Variants in IL5RA observed in about 807,000 individuals in gnomAD.
The protein encoded by IL5RA is interleukin-5 receptor subunit alpha.
Under a neutral mutation model 50.0 loss-of-function variants are expected in IL5RA, and 49 were observed. That is an observed-to-expected ratio of 0.98 (90% CI 0.78 to 1.24). IL5RA has a LOEUF of 1.24. IL5RA is among the 50% of genes most tolerant of loss of function. IL5RA has a pLI of 0.00. For missense variants in IL5RA, 600 were observed against 500.4 expected (o/e 1.20, Z -1.90); for synonymous variants, 202 against 174.0 (o/e 1.16, Z -1.26).
At chr3:3,105,189 A>T (rs1275712141) in intron 2 of IL5RA, among the ~76,000 whole-genome samples, 1 of 152,224 alleles carries the variant, frequency 6.6e-6, no homozygotes, top group African/African-American at 2.4e-5. Flanking sequence ...GGACAGAATG[A>T]AATATAAATT....
chr3:3,085,366 T>C (rs996926369), intron 9 of IL5RA, among the ~76,000 whole-genome samples: 5 of 152,222 alleles, frequency 3.3e-5, no homozygotes, highest in African/African-American at 9.6e-5. Flanking sequence ...GGATAGCTCA[T>C]GTGGACCCTC....
chr3:3,069,327 C>T lies in IL5RA; in HGVS notation c.*898G>A, dbSNP rs1702223063. On this transcript the variant is annotated 3_prime_UTR_variant, in exon 12 of 12. Transcript: ENST00000446632. Reference sequence around the variant, plus strand: ...TGGAATGGCCTTGTAGAAACTTTTCCAAACTTGAGAGACTAGGATTGATCT... The same window carrying T: ...TGGAATGGCCTTGTAGAAACTTTTCTAAACTTGAGAGACTAGGATTGATCT... The T allele has an allele frequency of 6.6e-6, 1 of 152,152 alleles. No individual in the cohort carries two copies. Among genetic ancestry groups the T allele is most frequent in the Admixed American group, 6.5e-5 (1 of 15,272 alleles). 9.4% of individuals were successfully genotyped at this position (152,152 alleles called of 1,614,324 possible).
chr3:3,094,761 C>T (rs1703275684), intron 8 of IL5RA, among the ~76,000 whole-genome samples: 1 of 152,074 alleles, frequency 6.6e-6, no homozygotes, highest in African/African-American at 2.4e-5. Flanking sequence ...GTTGCTCTGT[C>T]ACCCAGGCTG....
rs187728135 is a variant in IL5RA at position 3,086,518 on chromosome 3, C to T, written c.994+5706G>A. 2.6e-4 allele frequency among the ~76,000 whole-genome samples: 40 copies of T among 151,760 alleles called. 1 individual carries two copies. The highest frequency in any genetic ancestry group is 2.0e-3 in the Admixed American group (30 of 15,238). ...CCAGCTGATCTAGGGCAGGTGATAA[C>T]GAGTACTGATAAAATGAAACTGCTA... On this transcript the variant is annotated intron_variant, in intron 9 of 11. Coordinates refer to ENST00000446632, the MANE Select transcript of IL5RA (RefSeq NM_175726.4).
At chr3:3,078,896 C>T (rs1047126796) in intron 9 of IL5RA, among the ~76,000 whole-genome samples, 4 of 151,934 alleles carry the variant, frequency 2.6e-5, no homozygotes, top group Non-Finnish European at 5.9e-5. Flanking sequence ...AGCTCTAACA[C>T]TGCTTTTTTA....
Position 3,076,626 on chromosome 3 carries a change from T to G in IL5RA, c.996A>C (p.Gly332=). The G allele has an allele frequency of 6.3e-7, 1 of 1,593,380 alleles. No individual in the cohort carries two copies. Among genetic ancestry groups the G allele is most frequent in the African/African-American group, 1.4e-5 (1 of 74,072 alleles). Residue 332 remains glycine (G), a splice_region_variant and synonymous_variant, in exon 10 of 12, where the codon GGA becomes GGC. Transcript: ENST00000446632. ...WSEWSQPIYV[G]NDEHKPLREW... is the part of the protein sequence containing the mutation. ...CTCTCAAGGGCTTGTGTTCATCATT[T>G]CCTGGTGGAAAACAAAAAAGAAACA...
At chr3:3,072,662 G>A (rs1702341528) in intron 11 of IL5RA, among the ~76,000 whole-genome samples, 1 of 152,348 alleles carries the variant, frequency 6.6e-6, no homozygotes, top group African/African-American at 2.4e-5. Context: ...GCTCATGCCT[G>A]TAATCCCAGC....
At chr3:3,107,921 T>C (rs945804584) in intron 2 of IL5RA, among the ~76,000 whole-genome samples, 4 of 152,234 alleles carry the variant, frequency 2.6e-5, no homozygotes, top group African/African-American at 9.6e-5. Flanking sequence ...TACAAATATT[T>C]TCCCCTCTTT....
intron 7 of IL5RA, among the ~76,000 whole-genome samples, chr3:3,097,127 G>A (rs1703402479): frequency 6.6e-6 from 1 of 152,210 alleles, no homozygotes; most frequent in South Asian, 2.1e-4. Flanking sequence ...CGCCTGATGA[G>A]TTTCACTAAT....
At chr3:3,084,749 C>G (rs565591550) in intron 9 of IL5RA, among the ~76,000 whole-genome samples, 1 of 152,360 alleles carries the variant, frequency 6.6e-6, no homozygotes, top group African/African-American at 2.4e-5. Context: ...GATGTCCCAC[C>G]TACTATCTGT....
At position 3,096,152 on chromosome 3, in the gene IL5RA, C is replaced by A. The variant is rs1017360299; in HGVS notation, c.710-708G>T. Among the ~76,000 whole-genome samples the A allele has an allele frequency of 2.6e-5, 4 of 152,022 alleles. No homozygotes were observed. In the South Asian group the frequency reaches 8.3e-4, roughly 32 times the overall value. On this transcript the variant is annotated intron_variant, in intron 7 of 11. Coordinates refer to ENST00000446632, the MANE Select transcript of IL5RA (RefSeq NM_175726.4). ...AATTAGCTGAGCGTGGTGGTGGGCG[C>A]CTGTAGTCCCAGCTACTCAGGAGGC...
At chr3:3,104,819 G>T in intron 3 of IL5RA, 84 bp downstream of exon 3, 2 of 790,768 alleles carry the variant, frequency 2.5e-6, no homozygotes, top group Admixed American at 2.1e-5. Flanking sequence ...TGTTCTAATC[G>T]ACAGTTTAAG....
chr3:3,108,235 C>G (rs1704022440), intron 2 of IL5RA, among the ~76,000 whole-genome samples: 1 of 152,070 alleles, frequency 6.6e-6, no homozygotes, highest in Admixed American at 6.5e-5. Context: ...TATTGCATTA[C>G]CCCCCAATGA....
chr3:3,098,503 C>G (rs928772055), intron 5 of IL5RA, among the ~76,000 whole-genome samples: 2 of 152,036 alleles, frequency 1.3e-5, no homozygotes, highest in Admixed American at 1.3e-4. Context: ...TGCCTCCTGG[C>G]TTGGAGCGAT....
intron 2 of IL5RA, among the ~76,000 whole-genome samples, 153 bp from the exon 3 acceptor site, chr3:3,105,140 G>A (rs1200998042): frequency 6.6e-6 from 1 of 152,164 alleles, no homozygotes. Flanking sequence ...ATGACCAAAT[G>A]TTGGACTTTG....
rs150869333 is a variant in IL5RA at position 3,098,008 on chromosome 3, C to A, written c.571G>T (p.Gly191Trp). 1.2e-6 allele frequency: 2 copies of A among 1,614,072 alleles called. No homozygotes were observed. The highest frequency in any genetic ancestry group is 2.7e-5 in the African/African-American group (2 of 74,914). Residue 191 changes from glycine (G) to tryptophan (W), a missense_variant, in exon 7 of 12, where the codon GGG becomes TGG. Transcript: ENST00000446632. ...ECQEYSKDTLGRNIACWFPRT... is the reference protein window; with the variant it reads ...ECQEYSKDTLWRNIACWFPRT... ...GGAAACCAGCATGCGATATTTCTCCCCAGTGTGTCTTTGCTGTATTCTTGG... is the reference window on the plus strand; with the variant it reads ...GGAAACCAGCATGCGATATTTCTCCACAGTGTGTCTTTGCTGTATTCTTGG...
chr3:3,073,354 AG>A (rs1281873531), intron 11 of IL5RA, among the ~76,000 whole-genome samples: 2 of 152,186 alleles, frequency 1.3e-5, no homozygotes, highest in Non-Finnish European at 2.9e-5. Context: ...ATCTAAATCA[AG>A]GGTTGGCAAA....
Position 3,095,216 on chromosome 3 carries a change from GGT to G in IL5RA, c.855+81_855+82del, listed in dbSNP as rs1157679991. 6.8e-6 allele frequency: 7 copies of G among 1,033,728 alleles called. No individual in the cohort carries two copies. In the African/African-American group the frequency reaches 1.1e-4, roughly 16 times the overall value. 64.0% of individuals were successfully genotyped at this position (1,033,728 alleles called of 1,614,324 possible). ...CCTTGTTAGTACCAAGCTGTAACTT[GGT>G]TGCAGTCACTGAAGATAATTTTTTA... On this transcript the variant is annotated intron_variant, in intron 8 of 11. Coordinates refer to ENST00000446632, the MANE Select transcript of IL5RA (RefSeq NM_175726.4).
intron 9 of IL5RA, among the ~76,000 whole-genome samples, chr3:3,088,720 T>C (rs1359529538): frequency 2.0e-5 from 3 of 152,214 alleles, no homozygotes; most frequent in Non-Finnish European, 4.4e-5. Context: ...GTATCCATCA[T>C]CTTGGTTTAA....
Sources: allele counts gnomAD v4.1 joint callset (sites outside exome capture counted in the v4.1 genomes callset), GRCh38; gene constraint gnomAD v4.1.1; transcripts MANE v1.5; gene names NCBI Gene and HGNC (gene_info 2026-07-23, HGNC 2026-07-21).